The following THSD7B variants were observed in gnomAD, a reference collection of about 807,000 sequenced individuals.
THSD7B encodes thrombospondin type-1 domain-containing protein 7B.
THSD7B carries 138 observed loss-of-function variants against 213.6 expected under a neutral mutation model. The observed-to-expected ratio is 0.65, with a 90% CI of 0.56 to 0.74. THSD7B has a LOEUF of 0.74. Among genes scored for constraint, THSD7B ranks in the 30% least tolerant of loss-of-function variants. The pLI is 0.00. For synonymous variants in THSD7B, 742 were observed against 687.0 expected (o/e 1.08, Z -1.25); for missense variants, 1,931 against 1,991.5 (o/e 0.97, Z 0.58).
rs114657425 is a variant in THSD7B at position 137,377,899 on chromosome 2, A to G, written c.2501-27714A>G. ...CTCAGCCTCCCGAAGTGCTGAAATTACAGGCATAAGCTACCGCGCCTGGAC... is the reference window on the plus strand; with the variant it reads ...CTCAGCCTCCCGAAGTGCTGAAATTGCAGGCATAAGCTACCGCGCCTGGAC... On this transcript the variant is annotated intron_variant, in intron 12 of 27. Coordinates refer to ENST00000409968, the MANE Select transcript of THSD7B (RefSeq NM_001316349.2). Among the ~76,000 whole-genome samples the G allele has an allele frequency of 3.9e-3, 594 of 152,258 alleles. 3 individuals carry two copies. The highest frequency in any genetic ancestry group is 0.014 in the African/African-American group (563 of 41,548).
In THSD7B at chr2:137,676,728, T is replaced by G. The variant is rs1268842668; in HGVS notation, c.*123T>G. 1.3e-6 allele frequency: 1 copy of G among 787,334 alleles called. No individual in the cohort carries two copies. Among genetic ancestry groups the G allele is most frequent in the East Asian group, 3.2e-5 (1 of 31,512 alleles). The allele number at this position is 787,334 out of a possible 1,614,324, so 48.8% of individuals were successfully genotyped here. On this transcript the variant is annotated 3_prime_UTR_variant, in exon 28 of 28. Transcript: ENST00000409968. ...GATATATTGGGCAGAATACAAATATTGCAAAAGTAATATTGCCTCAACTTC... is the reference window on the plus strand; with the variant it reads ...GATATATTGGGCAGAATACAAATATGGCAAAAGTAATATTGCCTCAACTTC...
At chr2:136,963,431 C>T (rs1685259385) in intron 2 of THSD7B, among the ~76,000 whole-genome samples, 1 of 152,018 alleles carries the variant, frequency 6.6e-6, no homozygotes, top group Non-Finnish European at 1.5e-5. Context: ...TTCCTTGAGG[C>T]CAGCAGTTCA....
At chr2:136,897,819 T>G (rs1319556859) in intron 2 of THSD7B, among the ~76,000 whole-genome samples, 1 of 152,074 alleles carries the variant, frequency 6.6e-6, no homozygotes, top group Non-Finnish European at 1.5e-5. Flanking sequence ...CTTACAAACC[T>G]TCAGCTAGAC....
intron 15 of THSD7B, among the ~76,000 whole-genome samples, chr2:137,556,337 T>G (rs1213781208): frequency 2.0e-5 from 3 of 152,144 alleles, no homozygotes; most frequent in Admixed American, 6.5e-5. Context: ...GACTAACAGC[T>G]GATCTCTCAG....
At chr2:137,058,648 A>G (rs1449172517) in intron 3 of THSD7B, among the ~76,000 whole-genome samples, 1 of 152,172 alleles carries the variant, frequency 6.6e-6, no homozygotes, top group African/African-American at 2.4e-5. Flanking sequence ...ACACAGTTCA[A>G]ATTGTGTTCC....
intron 3 of THSD7B, among the ~76,000 whole-genome samples, chr2:137,060,509 A>G (rs62171231): frequency 0.12 from 18,395 of 151,640 alleles, 1,163 homozygotes; most frequent in East Asian, 0.17. Context: ...ATTTAGGTCT[A>G]TCATTCATTT....
chr2:137,433,766 C>T (rs1002839917), intron 14 of THSD7B, among the ~76,000 whole-genome samples: 1 of 152,040 alleles, frequency 6.6e-6, no homozygotes, highest in Non-Finnish European at 1.5e-5. Flanking sequence ...AAAATGTATA[C>T]TTTATATAAT....
chr2:137,247,941 A>G (rs1272076456), intron 10 of THSD7B, among the ~76,000 whole-genome samples: 2 of 152,178 alleles, frequency 1.3e-5, no homozygotes, highest in Non-Finnish European at 2.9e-5. Context: ...AAGAGCTGTT[A>G]TAAGGAGGAC....
chr2:136,955,870 T>G (rs929329680), intron 2 of THSD7B, among the ~76,000 whole-genome samples: 1 of 151,934 alleles, frequency 6.6e-6, no homozygotes, highest in Non-Finnish European at 1.5e-5. Context: ...AGCTGGATGG[T>G]CTCGATCTCC....
intron 1 of THSD7B, among the ~76,000 whole-genome samples, chr2:136,881,564 T>C (rs1016158238): frequency 1.3e-5 from 2 of 152,164 alleles, no homozygotes; most frequent in African/African-American, 4.8e-5. Context: ...TCAGTTTTTA[T>C]CATTTCTGTA....
chr2:137,216,162 T>G (rs1681237435), intron 7 of THSD7B, among the ~76,000 whole-genome samples: 1 of 152,146 alleles, frequency 6.6e-6, no homozygotes, highest in South Asian at 2.1e-4. Flanking sequence ...AAAATATAGA[T>G]TAATACTGAA....
chr2:137,380,492 T>G (rs1472178457), intron 12 of THSD7B, among the ~76,000 whole-genome samples: 1 of 152,162 alleles, frequency 6.6e-6, no homozygotes, highest in East Asian at 1.9e-4. Context: ...AGCTAACAAT[T>G]GAACTGCAAT....
At chr2:137,199,156 T>C (rs951557723) in intron 7 of THSD7B, among the ~76,000 whole-genome samples, 1 of 152,182 alleles carries the variant, frequency 6.6e-6, no homozygotes, top group Non-Finnish European at 1.5e-5. Context: ...TCACTTTCCA[T>C]GTTTAGCTCT....
chr2:137,236,859 C>T (rs1370505625), intron 9 of THSD7B, among the ~76,000 whole-genome samples: 1 of 152,058 alleles, frequency 6.6e-6, no homozygotes, highest in African/African-American at 2.4e-5. Flanking sequence ...GCCTGTAATC[C>T]CAGCACTTTG....
At chr2:137,386,227 C>T (rs1208384666) in intron 12 of THSD7B, among the ~76,000 whole-genome samples, 3 of 152,218 alleles carry the variant, frequency 2.0e-5, no homozygotes, top group Non-Finnish European at 4.4e-5. Context: ...CTGGCTGATG[C>T]TCGGGGTCCC....
chr2:137,268,493 G>A (rs1682655579), intron 10 of THSD7B, among the ~76,000 whole-genome samples: 1 of 152,136 alleles, frequency 6.6e-6, no homozygotes, highest in Non-Finnish European at 1.5e-5. Flanking sequence ...GCTCAACAAG[G>A]TGGGGATTAT....
At chr2:137,422,438 T>C (rs1384289082) in intron 14 of THSD7B, among the ~76,000 whole-genome samples, 1 of 152,220 alleles carries the variant, frequency 6.6e-6, no homozygotes, top group African/African-American at 2.4e-5. Context: ...GACAAGGGCT[T>C]ACTGATGAAT....
chr2:136,945,264 G>A (rs1031619935), intron 2 of THSD7B, among the ~76,000 whole-genome samples: 1 of 152,108 alleles, frequency 6.6e-6, no homozygotes, highest in Non-Finnish European at 1.5e-5. Context: ...CCACTTGATG[G>A]AATTGGCTAT....
intron 5 of THSD7B, among the ~76,000 whole-genome samples, chr2:137,126,841 G>A (rs905975278): frequency 6.6e-6 from 1 of 152,074 alleles, no homozygotes; most frequent in Admixed American, 6.6e-5. Flanking sequence ...AGAAGTCATG[G>A]TAGGGTTATT....
Sources: allele counts gnomAD v4.1 joint callset (sites outside exome capture counted in the v4.1 genomes callset), GRCh38; gene constraint gnomAD v4.1.1; transcripts MANE v1.5; gene names NCBI Gene and HGNC (gene_info 2026-07-23, HGNC 2026-07-21).